Variants in PPP3CA observed in about 807,000 individuals in gnomAD.
PPP3CA encodes the protein protein phosphatase 3 catalytic subunit alpha, also known as CAM-PRP catalytic subunit.
In PPP3CA, 14 loss-of-function variants were observed where a neutral mutation model predicts 66.5. The ratio of observed to expected loss-of-function variants is 0.21; its 90% CI spans 0.14 to 0.33. The LOEUF (loss-of-function observed/expected upper bound fraction) is 0.33. PPP3CA is among the 10% of genes least tolerant of loss of function. PPP3CA has a pLI of 1.00. For synonymous variants in PPP3CA, 232 were observed against 226.2 expected (o/e 1.03, Z -0.23); for missense variants, 317 against 639.5 (o/e 0.50, Z 5.44).
chr4:101,121,878 C>G (rs1722042934), intron 2 of PPP3CA, among the ~76,000 whole-genome samples: 1 of 152,044 alleles, frequency 6.6e-6, no homozygotes, highest in African/African-American at 2.4e-5. Context: ...TGCTCCTGAT[C>G]TGGCCTTTTA....
At chr4:101,313,553 G>T (rs1325355805) in intron 1 of PPP3CA, among the ~76,000 whole-genome samples, 1 of 152,116 alleles carries the variant, frequency 6.6e-6, no homozygotes, top group Non-Finnish European at 1.5e-5. Context: ...GTTTTGAATT[G>T]CAAGAGAACA....
At chr4:101,287,183 C>CA (rs1727870763) in intron 1 of PPP3CA, among the ~76,000 whole-genome samples, 1 of 151,760 alleles carries the variant, frequency 6.6e-6, no homozygotes. Context: ...CAGTAACTGA[C>CA]AGACAAAAAA....
At chr4:101,178,490 T>C (rs1353997258) in intron 2 of PPP3CA, among the ~76,000 whole-genome samples, 2 of 152,088 alleles carry the variant, frequency 1.3e-5, no homozygotes, top group Non-Finnish European at 2.9e-5. Flanking sequence ...GTATTCTATC[T>C]AACAAATATA....
intron 6 of PPP3CA, among the ~76,000 whole-genome samples, chr4:101,092,209 A>C (rs1026141900): frequency 5.9e-5 from 9 of 152,164 alleles, no homozygotes; most frequent in Admixed American, 5.9e-4. Flanking sequence ...GGCTTGTCAA[A>C]GTCCTAAAAA....
intron 6 of PPP3CA, among the ~76,000 whole-genome samples, chr4:101,093,289 C>T (rs534224561): frequency 6.6e-5 from 10 of 152,186 alleles, no homozygotes; most frequent in African/African-American, 2.2e-4. Flanking sequence ...TAGTCAGTAA[C>T]CATCAACATC....
intron 1 of PPP3CA, among the ~76,000 whole-genome samples, chr4:101,317,619 T>C (rs1003486118): frequency 6.6e-5 from 10 of 152,214 alleles, no homozygotes; most frequent in Non-Finnish European, 1.5e-4. Flanking sequence ...ATATTACTTG[T>C]CATACCAAAA....
intron 1 of PPP3CA, among the ~76,000 whole-genome samples, chr4:101,234,118 T>A (rs1433797545): frequency 1.3e-5 from 2 of 151,770 alleles, no homozygotes. Context: ...GGCGTATATG[T>A]ACATTTTCTT....
chr4:101,200,187 T>C (rs2659539), intron 1 of PPP3CA, among the ~76,000 whole-genome samples: 36,525 of 151,992 alleles, frequency 0.24, 6,812 homozygotes, highest in African/African-American at 0.5. Context: ...CACTATTTAA[T>C]AGGAAACATC....
At chr4:101,143,036 T>C (rs1370920062) in intron 2 of PPP3CA, among the ~76,000 whole-genome samples, 2 of 152,186 alleles carry the variant, frequency 1.3e-5, no homozygotes, top group African/African-American at 4.8e-5. Flanking sequence ...AGGAGGTTTC[T>C]ATACCATCTC....
chr4:101,344,110 G>T (rs1210982690), intron 1 of PPP3CA, among the ~76,000 whole-genome samples: 1 of 152,114 alleles, frequency 6.6e-6, no homozygotes, highest in Non-Finnish European at 1.5e-5. Context: ...ATTAAAGAAT[G>T]AGTTAAATAG....
At chr4:101,027,198 C>T (rs1726694656) in intron 13 of PPP3CA, among the ~76,000 whole-genome samples, 1 of 151,710 alleles carries the variant, frequency 6.6e-6, no homozygotes, top group Non-Finnish European at 1.5e-5. Flanking sequence ...AATTGGGCTG[C>T]ATCACCATGG....
chr4:101,035,567 T>TA (rs1727206629), intron 11 of PPP3CA, among the ~76,000 whole-genome samples: 1 of 152,212 alleles, frequency 6.6e-6, no homozygotes, highest in Admixed American at 6.5e-5. Flanking sequence ...TCCTTATCTA[T>TA]AAAATCACAA....
chr4:101,063,691 A>G (rs1728566152), intron 8 of PPP3CA, among the ~76,000 whole-genome samples: 1 of 152,002 alleles, frequency 6.6e-6, no homozygotes, highest in Admixed American at 6.6e-5. Context: ...ATCTGATGAC[A>G]CTAATAAAAG....
rs578148253 is a variant in PPP3CA, at chr4:101,340,486, G to A, written c.58+6253C>T. On this transcript the variant is annotated intron_variant, in intron 1 of 13. Transcript: ENST00000394854. ...TTGTTAAAACGGATTTGAGATACCA[G>A]CAACTGGGCTAGGTCATAAAGTTGA... is the stretch of plus-strand genomic sequence containing the variant. 6.6e-5 allele frequency among the ~76,000 whole-genome samples: 10 copies of A among 152,166 alleles called. No individual in the cohort carries two copies. In the South Asian group the frequency reaches 1.9e-3, roughly 28 times the overall value.
chr4:101,159,861 T>C (rs1723445772), intron 2 of PPP3CA, among the ~76,000 whole-genome samples: 1 of 152,058 alleles, frequency 6.6e-6, no homozygotes, highest in Non-Finnish European at 1.5e-5. Flanking sequence ...TTCAGATACC[T>C]GAAATACATA....
At chr4:101,257,374 A>T (rs1726878876) in intron 1 of PPP3CA, among the ~76,000 whole-genome samples, 1 of 151,324 alleles carries the variant, frequency 6.6e-6, no homozygotes, top group Non-Finnish European at 1.5e-5. Flanking sequence ...GACAGATCCA[A>T]TGGACATATT....
At chr4:101,174,056 C>T (rs908203304) in intron 2 of PPP3CA, among the ~76,000 whole-genome samples, 3 of 151,456 alleles carry the variant, frequency 2.0e-5, no homozygotes, top group Non-Finnish European at 4.4e-5. Context: ...TTTCTTAAAA[C>T]AAATAAACAA....
intron 1 of PPP3CA, among the ~76,000 whole-genome samples, chr4:101,235,095 T>C (rs528244949): frequency 6.6e-6 from 1 of 151,910 alleles, no homozygotes; most frequent in African/African-American, 2.4e-5. Flanking sequence ...ATGGAAGATA[T>C]TATTTGAGAG....
At chr4:101,280,647 C>G (rs1727651138) in intron 1 of PPP3CA, among the ~76,000 whole-genome samples, 1 of 151,896 alleles carries the variant, frequency 6.6e-6, no homozygotes, top group Non-Finnish European at 1.5e-5. Context: ...TAGTGAAACC[C>G]CATCTCTACT....
Sources: allele counts gnomAD v4.1 joint callset (sites outside exome capture counted in the v4.1 genomes callset), GRCh38; gene constraint gnomAD v4.1.1; transcripts MANE v1.5; gene names NCBI Gene and HGNC (gene_info 2026-07-23, HGNC 2026-07-21).